NXN: variants seen among roughly 807,000 people sequenced by gnomAD.
The protein encoded by NXN is nucleoredoxin 1.
In NXN, 16 loss-of-function variants were observed where a neutral mutation model predicts 48.6. The observed-to-expected ratio is 0.33, with a 90% CI of 0.22 to 0.50. The LOEUF (loss-of-function observed/expected upper bound fraction) is 0.50. NXN is among the 20% of genes least tolerant of loss of function. The pLI, the probability that NXN is intolerant of heterozygous loss-of-function variation, is 0.98. For synonymous variants in NXN, 281 were observed against 269.6 expected, an observed-to-expected ratio of 1.04 and a Z score of -0.41; for missense variants, 492 against 605.5, an observed-to-expected ratio of 0.81 and a Z score of 1.97.
rs538915596 is a variant in NXN, at chr17:863,357, C to T, written c.361-37279G>A. On this transcript the variant is annotated intron_variant, in intron 1 of 7. Transcript: ENST00000336868. ...TAATTTTTTGTATTTTTAGTAGAGACGGGGTTTCACCGTGTGAGCCAGGAT... is the reference window on the plus strand; with the variant it reads ...TAATTTTTTGTATTTTTAGTAGAGATGGGGTTTCACCGTGTGAGCCAGGAT... Among the ~76,000 whole-genome samples, 31 of 151,942 alleles carry T rather than the reference C, an allele frequency of 2.0e-4. No homozygotes were observed. In the East Asian group the frequency reaches 2.7e-3, roughly 13 times the overall value.
intron 1 of NXN, among the ~76,000 whole-genome samples, chr17:887,955 C>T (rs2068366688): frequency 6.7e-6 from 1 of 150,164 alleles, no homozygotes; most frequent in African/African-American, 2.4e-5. Flanking sequence ...GTCCACCAGA[C>T]CTCTCCAAGC....
rs57643437 is a variant in NXN, at chr17:905,254, A to AATATATATATATATATAT, written c.360+74047_360+74064dup. The AATATATATATATATATAT allele has an allele frequency of 3.1e-5, 4 of 128,716 alleles. No homozygotes were observed. The South Asian group carries it at 9.9e-4, about 32-fold the overall frequency. 8.0% of individuals were successfully genotyped at this position (128,716 alleles called of 1,614,324 possible). A position where few individuals can be genotyped will look rare whatever the true frequency, so the allele number is the denominator to read the frequency against. On this transcript the variant is annotated intron_variant, in intron 1 of 7. Transcript: ENST00000336868. The stretch of plus-strand genomic sequence containing the variant: ...CAGCAAGACCCTGTCTGTAAATGTA[A>AATATATATATATATATAT]ATATATATATATATATATAGATGCC...
rs1445328652 is a variant in NXN, at chr17:917,680, C to T, written c.360+61639G>A. Among the ~76,000 whole-genome samples the T allele has an allele frequency of 2.0e-5, 3 of 152,234 alleles. No individual in the cohort carries two copies. The highest frequency in any genetic ancestry group is 7.2e-5 in the African/African-American group (3 of 41,462). On this transcript the variant is annotated intron_variant, in intron 1 of 7. Coordinates refer to ENST00000336868, the MANE Select transcript of NXN (RefSeq NM_022463.5). This position sits in a 1 kb window ranked among gnomAD's most constrained non-coding sequence, Gnocchi z 4.5. ...CCCAATGTAGGCCACCCGCTGCAGG[C>T]GAGCTTCCCTACCCAATCCGACCTC...
intron 4 of NXN, among the ~76,000 whole-genome samples, chr17:820,190 C>T (rs1485325817): frequency 6.6e-6 from 1 of 152,024 alleles, no homozygotes; most frequent in African/African-American, 2.4e-5. Context: ...TACCTTTGTT[C>T]CGTGCCTTGT....
intron 1 of NXN, among the ~76,000 whole-genome samples, chr17:941,231 CT>C (rs2068970699): frequency 5.6e-5 from 8 of 143,546 alleles, no homozygotes; most frequent in African/African-American, 1.9e-4. Flanking sequence ...CACCAAACAC[CT>C]TCCTGGATTT....
chr17:918,361 A>G (rs2144943437), intron 1 of NXN, among the ~76,000 whole-genome samples: 1 of 152,320 alleles, frequency 6.6e-6, no homozygotes, highest in East Asian at 1.9e-4. Context: ...CGCACGATCC[A>G]TCAGCGAGTT....
At chr17:929,717 G>A (rs752680386) in intron 1 of NXN, 10 of 152,104 alleles carry the variant, frequency 6.6e-5, no homozygotes, top group Middle Eastern at 3.2e-3. Flanking sequence ...CCCAACCGGA[G>A]GAGGCTCAAG....
At chr17:915,621 G>A (rs1450529184) in intron 1 of NXN, among the ~76,000 whole-genome samples, 1 of 152,176 alleles carries the variant, frequency 6.6e-6, no homozygotes, top group East Asian at 1.9e-4. Flanking sequence ...GTAAAAGTGA[G>A]AATGAATGAG....
At chr17:893,113 T>A (rs1244707982) in intron 1 of NXN, among the ~76,000 whole-genome samples, 1 of 152,264 alleles carries the variant, frequency 6.6e-6, no homozygotes, top group Admixed American at 6.5e-5. Flanking sequence ...GCAAAGCTGT[T>A]CCACTTGGCA....
intron 1 of NXN, among the ~76,000 whole-genome samples, chr17:876,641 C>G (rs547490817): frequency 1.3e-5 from 2 of 152,156 alleles, no homozygotes; most frequent in African/African-American, 4.8e-5. Context: ...TAGTGTCGTT[C>G]GCTGATAATT....
chr17:811,918 T>C (rs912850306), intron 5 of NXN, among the ~76,000 whole-genome samples: 45 of 140,178 alleles, frequency 3.2e-4, no homozygotes, highest in African/African-American at 1.1e-3. Flanking sequence ...TACCCAGTTC[T>C]GCTTTTTTTT....
chr17:903,910 C>G (rs1050454578), intron 1 of NXN, among the ~76,000 whole-genome samples: 3 of 152,162 alleles, frequency 2.0e-5, no homozygotes, highest in Admixed American at 6.6e-5. Context: ...CCTCACCCCC[C>G]ACGGGCAGAT....
Position 839,372 on chromosome 17 carries a change from T to C in NXN, c.361-13294A>G, listed in dbSNP as rs879683319. Among the ~76,000 whole-genome samples the C allele has an allele frequency of 4.0e-5, 6 of 151,604 alleles. No homozygotes were observed. In the East Asian group the frequency reaches 9.7e-4, roughly 25 times the overall value. On this transcript the variant is annotated intron_variant, in intron 1 of 7. Transcript: ENST00000336868. ...ATCGCTTGAACCTGGGAGGCGGAGG[T>C]TGCAGTGAGCCGAGGTCACACCACT...
chr17:909,422 T>G (rs1277038117), intron 1 of NXN, among the ~76,000 whole-genome samples: 4 of 152,246 alleles, frequency 2.6e-5, no homozygotes, highest in South Asian at 2.1e-4. Context: ...AGACCTGCAC[T>G]GTTGAGAAAA....
chr17:936,762 A>G (rs1034556332), intron 1 of NXN, among the ~76,000 whole-genome samples: 2 of 149,836 alleles, frequency 1.3e-5, no homozygotes, highest in Non-Finnish European at 3.0e-5. Flanking sequence ...TTGCAAACGC[A>G]TACGAGATAC....
In NXN at chr17:917,874, C is replaced by T. The variant is rs535533928; in HGVS notation, c.360+61445G>A. Among the ~76,000 whole-genome samples the T allele has an allele frequency of 6.6e-5, 10 of 152,252 alleles. No individual in the cohort carries two copies. Among genetic ancestry groups the T allele is most frequent in the African/African-American group, 1.4e-4 (6 of 41,546 alleles). ...CTCCCGTTCCAAACAAAGGGGACTGCGTACTGGTGAAGAAGAATGTGGTCT... is the reference window on the plus strand; with the variant it reads ...CTCCCGTTCCAAACAAAGGGGACTGTGTACTGGTGAAGAAGAATGTGGTCT... On this transcript the variant is annotated intron_variant, in intron 1 of 7. Coordinates refer to ENST00000336868, the MANE Select transcript of NXN (RefSeq NM_022463.5). This position sits in a 1 kb window ranked among gnomAD's most constrained non-coding sequence, Gnocchi z 4.5.
chr17:872,927 C>T (rs2068174899), intron 1 of NXN, among the ~76,000 whole-genome samples: 1 of 152,140 alleles, frequency 6.6e-6, no homozygotes, highest in African/African-American at 2.4e-5. Context: ...CTGAGATCAA[C>T]ATTTGAATCA....
chr17:924,778 A>G (rs546958876), intron 1 of NXN, among the ~76,000 whole-genome samples: 2 of 152,258 alleles, frequency 1.3e-5, no homozygotes, highest in South Asian at 4.1e-4. Context: ...ACCAAGCCTC[A>G]TTCAGTTTTA....
intron 1 of NXN, among the ~76,000 whole-genome samples, chr17:905,520 G>A (rs1462898716): frequency 2.0e-5 from 3 of 152,196 alleles, no homozygotes; most frequent in Non-Finnish European, 4.4e-5. Context: ...AAATGGAGGG[G>A]TGCTCTTACA....
Sources: allele counts gnomAD v4.1 joint callset (sites outside exome capture counted in the v4.1 genomes callset), GRCh38; gene constraint gnomAD v4.1.1; non-coding constraint Gnocchi (gnomAD v3.1); transcripts MANE v1.5; gene names NCBI Gene and HGNC (gene_info 2026-07-23, HGNC 2026-07-21).